The following ACTN4 variants were observed in gnomAD, a reference collection of about 807,000 sequenced individuals.
ACTN4 encodes the protein actinin alpha 4, also known as alpha-actinin-4.
Under a neutral mutation model 114.2 loss-of-function variants are expected in ACTN4, and 18 were observed. That is an observed-to-expected ratio of 0.16 (90% CI 0.11 to 0.23). The LOEUF is 0.23. Among genes scored for constraint, ACTN4 ranks in the 10% least tolerant of loss-of-function variants. ACTN4 has a pLI of 1.00. For missense variants in ACTN4, 722 were observed against 1,262.9 expected (o/e 0.57, Z 6.49); for synonymous variants, 515 against 506.3 (o/e 1.02, Z -0.23).
At chr19:38,711,210 G>A (rs762242371) in intron 8 of ACTN4, 59 of 863,760 alleles carry the variant, frequency 6.8e-5, no homozygotes, top group Non-Finnish European at 7.9e-5. Flanking sequence ...AGGCCGGCCC[G>A]GCCGCCCTCC....
At chr19:38,728,489 G>C (rs946511426) in intron 19 of ACTN4, 1 of 725,628 alleles carries the variant, frequency 1.4e-6, no homozygotes, top group Non-Finnish European at 1.9e-6. Flanking sequence ...GAGCTTCCTC[G>C]TCCTCGGGGA....
intron 1 of ACTN4, among the ~76,000 whole-genome samples, chr19:38,666,220 CT>C (rs1966954106): frequency 7.7e-6 from 1 of 130,192 alleles, no homozygotes. Flanking sequence ...AACTTCGCCC[CT>C]GTCCCCCCCA....
At chr19:38,673,517 T>TCATATATATTTATATATATATATGAATA (rs1555826155) in intron 1 of ACTN4, among the ~76,000 whole-genome samples, 1 of 80,392 alleles carries the variant, frequency 1.2e-5, no homozygotes, top group Non-Finnish European at 2.6e-5. Flanking sequence ...GAATATATAT[T>TCATATATATTTATATATATATATGAATA]TATATATATT....
chr19:38,676,083 A>T (rs1712014622), intron 1 of ACTN4, among the ~76,000 whole-genome samples: 1 of 152,148 alleles, frequency 6.6e-6, no homozygotes, highest in African/African-American at 2.4e-5. Context: ...TGGAGCCTTT[A>T]TAGGGTCTTG....
chr19:38,720,979 G>A (rs1644120979), intron 11 of ACTN4, among the ~76,000 whole-genome samples: 1 of 152,242 alleles, frequency 6.6e-6, no homozygotes, highest in South Asian at 2.1e-4. Flanking sequence ...TAATAACAGC[G>A]TTCCTCCTTT....
intron 1 of ACTN4, among the ~76,000 whole-genome samples, chr19:38,694,142 A>T (rs1968016825): frequency 6.6e-6 from 1 of 152,124 alleles, no homozygotes; most frequent in Non-Finnish European, 1.5e-5. Context: ...GGCCAGGGAC[A>T]GGCTGGGAGG....
At chr19:38,692,509 G>A (rs1460031022) in intron 1 of ACTN4, among the ~76,000 whole-genome samples, 2 of 152,218 alleles carry the variant, frequency 1.3e-5, no homozygotes, top group Non-Finnish European at 1.5e-5. Context: ...GAGGCTCCAC[G>A]GGCCCCCTTG....
intron 8 of ACTN4, among the ~76,000 whole-genome samples, chr19:38,712,450 C>T (rs1968687897): frequency 6.6e-6 from 1 of 152,184 alleles, no homozygotes; most frequent in Non-Finnish European, 1.5e-5. Context: ...GTGAAACGAG[C>T]TCCTGCAGGC....
intron 2 of ACTN4, 79 bp downstream of exon 2, chr19:38,700,793 C>A: frequency 7.0e-7 from 1 of 1,427,968 alleles, no homozygotes. Context: ...ACCCTGCCCA[C>A]CCAGCTGTCC....
In ACTN4 at chr19:38,673,536, C is replaced by CATATATAT. The variant is rs1568689757; in HGVS notation, c.162+25629_162+25630insATATATAT. On this transcript the variant is annotated intron_variant, in intron 1 of 20. Coordinates refer to ENST00000252699, the MANE Select transcript of ACTN4 (RefSeq NM_004924.6). ...ATATATTTATATATATTCATATATA[C>CATATATAT]TTATATATATTTATATATACTTATA... Among the ~76,000 whole-genome samples the CATATATAT allele has an allele frequency of 4.6e-4, 31 of 67,952 alleles. 3 individuals are homozygous for CATATATAT. The highest frequency in any genetic ancestry group is 2.1e-3 in the African/African-American group (29 of 13,570). 44.6% of individuals were successfully genotyped at this position (67,952 alleles called of 152,430 possible).
intron 1 of ACTN4, among the ~76,000 whole-genome samples, chr19:38,670,124 GC>G (rs1967084893): frequency 6.6e-6 from 1 of 152,078 alleles, no homozygotes; most frequent in Admixed American, 6.6e-5. Context: ...GCCCCTCCCA[GC>G]CCCACCATTC....
intron 1 of ACTN4, among the ~76,000 whole-genome samples, chr19:38,690,208 C>G (rs899584638): frequency 6.6e-6 from 1 of 152,194 alleles, no homozygotes; most frequent in Non-Finnish European, 1.5e-5. Flanking sequence ...TTAAATCTTG[C>G]AACTGCACAC....
rs534132133 is a variant in ACTN4, at chr19:38,698,972, G to A, written c.163-1628G>A. On this transcript the variant is annotated intron_variant, in intron 1 of 20. Coordinates refer to ENST00000252699, the MANE Select transcript of ACTN4 (RefSeq NM_004924.6). Reference sequence around the variant, plus strand: ...GCCCCTTGTCCTCCGCATGGCCTCCGCCTGCACCCGGGGCGTGGAATGTGC... The same window carrying A: ...GCCCCTTGTCCTCCGCATGGCCTCCACCTGCACCCGGGGCGTGGAATGTGC... Among the ~76,000 whole-genome samples the A allele has an allele frequency of 1.0e-3, 157 of 152,310 alleles. 2 individuals carry two copies. The highest frequency in any genetic ancestry group is 3.2e-3 in the African/African-American group (131 of 41,560).
chr19:38,652,905 G>A (rs956075083), intron 1 of ACTN4, among the ~76,000 whole-genome samples: 4 of 152,082 alleles, frequency 2.6e-5, no homozygotes, highest in African/African-American at 9.7e-5. Flanking sequence ...GGCCAACATG[G>A]TGAAACCCCG....
chr19:38,726,049 G>T, intron 17 of ACTN4, 146 bp downstream of exon 17: 1 of 1,134,152 alleles, frequency 8.8e-7, no homozygotes, highest in Non-Finnish European at 1.3e-6. Context: ...AGCACTTTGG[G>T]AGGCCAAGTG....
At position 38,717,130 on chromosome 19, in the gene ACTN4, T is replaced by C; in HGVS notation, c.957T>C (p.Arg319=). Residue 319 remains arginine (R), a synonymous_variant, in exon 10 of 21, where the codon CGT becomes CGC. Transcript: ENST00000252699. This position sits in a 1 kb window ranked among gnomAD's most constrained non-coding sequence, Gnocchi z 4.0. ...GCACCATCCCCTGGCTGGAGGACCG[T>C]GTGCCCCAAAAGACTATCCAGGAGA... ...IRRTIPWLED[R]VPQKTIQEMQ... 1 of 1,614,150 alleles carries C rather than the reference T, an allele frequency of 6.2e-7. No homozygotes were observed. Among genetic ancestry groups the C allele is most frequent in the South Asian group, 1.1e-5 (1 of 91,086 alleles).
chr19:38,726,235 C>T (rs1969227896), intron 17 of ACTN4, among the ~76,000 whole-genome samples: 1 of 151,062 alleles, frequency 6.6e-6, no homozygotes, highest in Admixed American at 6.6e-5. Context: ...TTGAGGTGAG[C>T]CGAGGTCATG....
At chr19:38,662,568 G>T (rs1976920543) in intron 1 of ACTN4, among the ~76,000 whole-genome samples, 1 of 152,174 alleles carries the variant, frequency 6.6e-6, no homozygotes, top group African/African-American at 2.4e-5. Flanking sequence ...GGAGATAAGT[G>T]TGTGTGTGTT....
At chr19:38,676,523 G>A (rs1452301536) in intron 1 of ACTN4, among the ~76,000 whole-genome samples, 6 of 152,336 alleles carry the variant, frequency 3.9e-5, no homozygotes, top group South Asian at 2.1e-4. Flanking sequence ...CAGAGTGCAC[G>A]GGAGGAGGCT....
Sources: gnomAD v4.1 joint callset for allele counts (sites outside exome capture counted in the v4.1 genomes callset) on GRCh38, gnomAD v4.1.1 for gene constraint, Gnocchi (gnomAD v3.1) non-coding constraint, MANE v1.5 for transcripts, NCBI Gene and HGNC (gene_info 2026-07-23, HGNC 2026-07-21) for gene names.